ACP3: variants seen among roughly 807,000 people sequenced by gnomAD.
ACP3 encodes the protein prostatic acid phosphatase.
A neutral mutation model predicts 45.6 loss-of-function variants in ACP3; 38 were observed. The ratio of observed to expected loss-of-function variants is 0.83; its 90% confidence interval spans 0.64 to 1.09. The LOEUF (loss-of-function observed/expected upper bound fraction) is 1.09, where lower values mean the gene tolerates loss of function less well. Ranked by LOEUF, ACP3 falls within the 50% of genes least tolerant of loss-of-function variation. The probability of loss-of-function intolerance (pLI) is 0.00; values close to 1 mark genes in which losing one functional copy is unlikely to be tolerated. For missense variants in ACP3, 466 were observed against 463.2 expected (o/e 1.01, Z -0.05); for synonymous variants, 162 against 164.7 (o/e 0.98, Z 0.13).
intron 5 of ACP3, among the ~76,000 whole-genome samples, chr3:132,341,278 A>T (rs1197115165): frequency 1.3e-5 from 2 of 152,194 alleles, no homozygotes; most frequent in African/African-American, 4.8e-5. Context: ...ACATATTTTT[A>T]TGAAATTAAG....
intron 10 of ACP3, among the ~76,000 whole-genome samples, chr3:132,366,178 G>A (rs1161204548): frequency 1.3e-5 from 2 of 151,724 alleles, no homozygotes; most frequent in East Asian, 1.9e-4. Flanking sequence ...GTGCATGCCT[G>A]TATTCCCAGT....
chr3:132,351,889 A>G (rs772468122), intron 8 of ACP3, among the ~76,000 whole-genome samples: 3 of 152,198 alleles, frequency 2.0e-5, no homozygotes, highest in Non-Finnish European at 4.4e-5. Flanking sequence ...CCACTCCCCT[A>G]TACCTTCCAG....
At chr3:132,342,947 G>A (rs1436440799) in intron 6 of ACP3, among the ~76,000 whole-genome samples, 10 of 152,038 alleles carry the variant, frequency 6.6e-5, no homozygotes. Flanking sequence ...TTATTTTGCA[G>A]CCACTCAAAA....
intron 10 of ACP3, among the ~76,000 whole-genome samples, chr3:132,364,828 AAAATAACTGAAAATAAATTTCT>A (rs796887066): frequency 1.7e-4 from 26 of 152,324 alleles, no homozygotes; most frequent in African/African-American, 6.3e-4. Context: ...ACAGCCCATA[AAAATAACTGAAAATAAATTTCT>A]AAATACAGAG....
intron 7 of ACP3, among the ~76,000 whole-genome samples, chr3:132,347,874 A>C (rs1346770024): frequency 1.3e-5 from 1 of 77,070 alleles, no homozygotes; most frequent in African/African-American, 4.8e-5. Flanking sequence ...CACACACACC[A>C]AAAAAATCCC....
At position 132,357,927 on chromosome 3, in the gene ACP3, GT is replaced by G. The variant is rs1937947088; in HGVS notation, c.*1050del. 5.1e-6 allele frequency: 1 copy of G among 194,206 alleles called. No homozygotes were observed. The allele number at this position is 194,206 out of a possible 1,614,324, so 12.0% of individuals were successfully genotyped here. A position where few individuals can be genotyped will look rare whatever the true frequency, so the allele number is the denominator to read the frequency against. On this transcript the variant is annotated 3_prime_UTR_variant, in exon 10 of 10. Coordinates refer to ENST00000336375, the MANE Select transcript of ACP3 (RefSeq NM_001099.5). ...GTGTGTGCCTATAGTCCCACTACTT[GT>G]GGGGCTAAGGCAGGAGGATCACTTG...
chr3:132,351,215 A>G (rs1937728917), intron 8 of ACP3, among the ~76,000 whole-genome samples: 1 of 152,220 alleles, frequency 6.6e-6, no homozygotes, highest in African/African-American at 2.4e-5. Flanking sequence ...AAGGACTGCA[A>G]CTCAAAGTTG....
intron 5 of ACP3, among the ~76,000 whole-genome samples, chr3:132,339,548 A>T (rs1004026832): frequency 6.6e-6 from 1 of 152,136 alleles, no homozygotes; most frequent in Admixed American, 6.5e-5. Flanking sequence ...GGTTCCCACA[A>T]CTTCCTCTTT....
chr3:132,359,250 G>A (rs145455021), downstream of ACP3, among the ~76,000 whole-genome samples: 1 of 152,122 alleles, frequency 6.6e-6, no homozygotes, highest in Admixed American at 6.6e-5. Context: ...AGGTGGCTCA[G>A]GCCTGTAATC....
At chr3:132,318,534 TCTTTA>T (rs1478836365) in intron 1 of ACP3, among the ~76,000 whole-genome samples, 1 of 152,030 alleles carries the variant, frequency 6.6e-6, no homozygotes, top group Non-Finnish European at 1.5e-5. Context: ...TATTCAAAGC[TCTTTA>T]CTTTCTACAG....
rs559882805 is a variant in ACP3, at chr3:132,357,586, G to A, written c.*708G>A. 2 of 983,748 alleles carry A rather than the reference G, an allele frequency of 2.0e-6. No homozygotes were observed. Among genetic ancestry groups the A allele is most frequent in the African/African-American group, 3.5e-5 (2 of 57,330 alleles). 60.9% of individuals were successfully genotyped at this position (983,748 alleles called of 1,614,324 possible). On this transcript the variant is annotated 3_prime_UTR_variant, in exon 10 of 10. Coordinates refer to ENST00000336375, the MANE Select transcript of ACP3 (RefSeq NM_001099.5). ...ATCAAACTTTACAGAAAGATTTGAT[G>A]TATGTAATACATATAGCAGCTCTTG...
intron 4 of ACP3, 25 bp downstream of exon 4, chr3:132,332,369 G>A (rs373330342): frequency 2.9e-5 from 47 of 1,613,578 alleles, no homozygotes; most frequent in Non-Finnish European, 3.8e-5. Flanking sequence ...AAAACCAGGA[G>A]ATTTCAGATG....
Position 132,357,341 on chromosome 3 carries a change from T to C in ACP3, c.*463T>C. 1.0e-6 allele frequency: 1 copy of C among 985,588 alleles called. No individual in the cohort carries two copies. 61.1% of individuals were successfully genotyped at this position (985,588 alleles called of 1,614,324 possible). On this transcript the variant is annotated 3_prime_UTR_variant, in exon 10 of 10. Coordinates refer to ENST00000336375, the MANE Select transcript of ACP3 (RefSeq NM_001099.5). ...GGAAGGAAAGATGTGAATAGGCTGATGGGCAAAAAACCAATTTACCCATCA... is the reference window on the plus strand; with the variant it reads ...GGAAGGAAAGATGTGAATAGGCTGACGGGCAAAAAACCAATTTACCCATCA...
downstream of ACP3, among the ~76,000 whole-genome samples, chr3:132,363,463 T>C (rs1027430312): frequency 2.0e-5 from 3 of 152,224 alleles, no homozygotes; most frequent in Admixed American, 6.5e-5. Flanking sequence ...CCAGTATATG[T>C]AGCCTGTTAC....
rs1559841956 is a variant in ACP3, at chr3:132,352,832, CTA to C, written c.968+10_968+11del. ...TTGTACTTTGAGAAGGGGTAAGTGA[CTA>C]AGTGCTTTTCAAAATCAGTATCACT... is the stretch of plus-strand genomic sequence containing the variant. On this transcript the variant is annotated intron_variant, in intron 9 of 9. Coordinates refer to ENST00000336375, the MANE Select transcript of ACP3 (RefSeq NM_001099.5). 1 of 1,575,460 alleles carries C rather than the reference CTA, an allele frequency of 6.3e-7. No individual in the cohort carries two copies.
chr3:132,352,993 T>C (rs1022362031), intron 9 of ACP3, among the ~76,000 whole-genome samples, 170 bp downstream of exon 9: 1 of 152,142 alleles, frequency 6.6e-6, no homozygotes, highest in Non-Finnish European at 1.5e-5. Flanking sequence ...TTCTTTTTCA[T>C]GAAGACTTTT....
At chr3:132,317,912 T>C (rs1306761315) in intron 1 of ACP3, among the ~76,000 whole-genome samples, 1 of 152,244 alleles carries the variant, frequency 6.6e-6, no homozygotes, top group Non-Finnish European at 1.5e-5. Flanking sequence ...GCTGTTTATG[T>C]ACCAAGAGCT....
In ACP3 at chr3:132,358,088, T is replaced by C. The variant is rs1937956496; in HGVS notation, c.*1210T>C. On this transcript the variant is annotated 3_prime_UTR_variant, in exon 10 of 10. Transcript: ENST00000336375. ...ATAAATAAATAAATAAAAACAAAGT[T>C]GATTAAGAAAGGAAGTATAGGCCAG... 6.8e-6 allele frequency: 1 copy of C among 146,770 alleles called. No individual in the cohort carries two copies. The highest frequency in any genetic ancestry group is 1.4e-5 in the Non-Finnish European group (1 of 70,316). The allele number at this position is 146,770 out of a possible 1,614,324, so 9.1% of individuals were successfully genotyped here.
At chr3:132,325,706 G>T (rs547125223) in intron 1 of ACP3, among the ~76,000 whole-genome samples, 2 of 152,012 alleles carry the variant, frequency 1.3e-5, no homozygotes, top group African/African-American at 4.8e-5. Flanking sequence ...TAGCTGGTGG[G>T]ACTGTGAGGA....
Sources: allele counts gnomAD v4.1 joint callset (sites outside exome capture counted in the v4.1 genomes callset), GRCh38; gene constraint gnomAD v4.1.1; transcripts MANE v1.5; gene names NCBI Gene and HGNC (gene_info 2026-07-23, HGNC 2026-07-21).